CDH18: variants seen among roughly 807,000 people sequenced by gnomAD.
The protein encoded by CDH18 is cadherin-18.
CDH18 carries 31 observed loss-of-function variants against 67.9 expected under a neutral mutation model. The observed-to-expected ratio is 0.46, with a 90% CI of 0.34 to 0.62. The LOEUF (loss-of-function observed/expected upper bound fraction) is 0.62, where lower values mean the gene tolerates loss of function less well. Ranked by LOEUF, CDH18 falls within the 20% of genes least tolerant of loss-of-function variation. The probability of loss-of-function intolerance (pLI) is 0.01; values close to 1 mark genes in which losing one functional copy is unlikely to be tolerated. For missense variants in CDH18, 890 were observed against 975.5 expected (o/e 0.91, Z 1.17); for synonymous variants, 362 against 347.2 (o/e 1.04, Z -0.48).
intron 1 of CDH18, among the ~76,000 whole-genome samples, chr5:20,523,667 A>G (rs145595916): frequency 6.6e-6 from 1 of 152,110 alleles, no homozygotes; most frequent in African/African-American, 2.4e-5. Flanking sequence ...CAGCCTCCCA[A>G]GTAGCTGGGT....
chr5:19,496,811 C>CA (rs777601146), intron 11 of CDH18, among the ~76,000 whole-genome samples: 29,852 of 74,832 alleles, frequency 0.4, 5,953 homozygotes, highest in South Asian at 0.44. Flanking sequence ...GACTCCATCT[C>CA]AAAAAAAAAA....
chr5:19,653,118 T>C (rs2150277060), intron 5 of CDH18, among the ~76,000 whole-genome samples: 1 of 152,070 alleles, frequency 6.6e-6, no homozygotes, highest in African/African-American at 2.4e-5. Flanking sequence ...ATATATTAGG[T>C]TGTTGCGAAA....
At chr5:20,339,894 G>A (rs1740113513) in intron 1 of CDH18, among the ~76,000 whole-genome samples, 1 of 152,180 alleles carries the variant, frequency 6.6e-6, no homozygotes, top group Admixed American at 6.5e-5. Flanking sequence ...AGCCCTGCAA[G>A]CAGCAGAGAA....
At chr5:20,508,209 CA>C in intron 1 of CDH18, among the ~76,000 whole-genome samples, 1 of 151,122 alleles carries the variant, frequency 6.6e-6, no homozygotes, top group Non-Finnish European at 1.5e-5. Flanking sequence ...TCTTAAAACA[CA>C]ATGTCACTTC....
At chr5:19,725,205 C>G (rs1766666694) in intron 4 of CDH18, among the ~76,000 whole-genome samples, 1 of 151,914 alleles carries the variant, frequency 6.6e-6, no homozygotes, top group African/African-American at 2.4e-5. Flanking sequence ...GGATTACAGG[C>G]GTGAGCCACC....
chr5:20,480,834 C>A (rs1397186646), intron 1 of CDH18, among the ~76,000 whole-genome samples: 2 of 151,788 alleles, frequency 1.3e-5, no homozygotes, highest in African/African-American at 4.8e-5. Flanking sequence ...AACCTCAAAT[C>A]AAAAAGAACT....
chr5:19,774,709 C>CTA (rs1028449674), intron 3 of CDH18, among the ~76,000 whole-genome samples: 1 of 146,806 alleles, frequency 6.8e-6, no homozygotes, highest in Non-Finnish European at 1.5e-5. Context: ...ATAGTCCCAG[C>CTA]TACTAGGGAG....
chr5:20,486,751 AT>A (rs1753216648), intron 1 of CDH18, among the ~76,000 whole-genome samples: 2 of 151,310 alleles, frequency 1.3e-5, no homozygotes, highest in African/African-American at 4.8e-5. Context: ...CTCCATTGAA[AT>A]TAAATAGTAA....
At chr5:20,176,436 G>A (rs541608957) in intron 2 of CDH18, among the ~76,000 whole-genome samples, 26 of 152,100 alleles carry the variant, frequency 1.7e-4, no homozygotes, top group African/African-American at 3.9e-4. Context: ...TTCTTGATAC[G>A]ACTTGCTTCT....
intron 4 of CDH18, among the ~76,000 whole-genome samples, chr5:19,731,818 G>A (rs575572569): frequency 6.6e-6 from 1 of 152,252 alleles, no homozygotes; most frequent in South Asian, 2.1e-4. Context: ...GAGTCTGCAT[G>A]GTGGCTCACA....
chr5:20,362,413 A>G (rs1021485084), intron 1 of CDH18, among the ~76,000 whole-genome samples: 3 of 152,186 alleles, frequency 2.0e-5, no homozygotes, highest in Non-Finnish European at 4.4e-5. Flanking sequence ...AATAATTAGT[A>G]TCCTCTGTAC....
chr5:19,732,594 C>T (rs1767763211), intron 4 of CDH18, among the ~76,000 whole-genome samples: 1 of 152,124 alleles, frequency 6.6e-6, no homozygotes, highest in Non-Finnish European at 1.5e-5. Flanking sequence ...GTAATTAAGC[C>T]CATAAGGTAA....
chr5:20,468,976 G>GT (rs1751861604), intron 1 of CDH18, among the ~76,000 whole-genome samples: 1 of 152,162 alleles, frequency 6.6e-6, no homozygotes, highest in Non-Finnish European at 1.5e-5. Context: ...GATCTAAAAA[G>GT]ACATTATTTC....
upstream of CDH18, among the ~76,000 whole-genome samples, chr5:19,990,823 T>C (rs1268265324): frequency 3.3e-5 from 5 of 152,136 alleles, no homozygotes; most frequent in Non-Finnish European, 7.3e-5. Flanking sequence ...AGTGAACCAA[T>C]GTGGAATTTG....
At chr5:20,095,331 GAAA>G (rs1745808060) in intron 2 of CDH18, among the ~76,000 whole-genome samples, 1 of 116,672 alleles carries the variant, frequency 8.6e-6, no homozygotes, top group African/African-American at 3.3e-5. Flanking sequence ...AAGAAAGAAA[GAAA>G]GAAAGAAAGA....
chr5:20,531,840 C>T (rs202134770), intron 1 of CDH18, among the ~76,000 whole-genome samples: 12 of 151,904 alleles, frequency 7.9e-5, no homozygotes, highest in East Asian at 7.7e-4. Flanking sequence ...CACCATGTTA[C>T]CTATGTAGCA....
intron 2 of CDH18, among the ~76,000 whole-genome samples, chr5:20,083,228 G>A (rs1744640194): frequency 6.6e-6 from 1 of 152,124 alleles, no homozygotes; most frequent in African/African-American, 2.4e-5. Context: ...AAAAGAAAGG[G>A]CAGATTTGCT....
At chr5:19,549,654 G>C (rs1385343424) in intron 8 of CDH18, among the ~76,000 whole-genome samples, 1 of 144,360 alleles carries the variant, frequency 6.9e-6, no homozygotes, top group Non-Finnish European at 1.5e-5. Context: ...AGGGAGAGAG[G>C]GAAGGAAGGG....
chr5:20,079,372 T>G (rs1744247586), intron 2 of CDH18, among the ~76,000 whole-genome samples: 1 of 152,224 alleles, frequency 6.6e-6, no homozygotes. Flanking sequence ...TTCATCCATG[T>G]TGTCACAAAT....
Sources: allele counts gnomAD v4.1 joint callset (sites outside exome capture counted in the v4.1 genomes callset), GRCh38; gene constraint gnomAD v4.1.1; transcripts MANE v1.5; gene names NCBI Gene and HGNC (gene_info 2026-07-23, HGNC 2026-07-21).